CACNA1C: variants seen among roughly 807,000 people sequenced by gnomAD.
The protein encoded by CACNA1C is calcium voltage-gated channel subunit alpha1 C.
CACNA1C carries 30 observed loss-of-function variants against 229.0 expected under a neutral mutation model. That is an observed-to-expected ratio of 0.13 (90% CI 0.10 to 0.18). The LOEUF (loss-of-function observed/expected upper bound fraction) is 0.18, where lower values mean the gene tolerates loss of function less well. Among genes scored for constraint, CACNA1C ranks in the 10% least tolerant of loss-of-function variants. The probability of loss-of-function intolerance (pLI) is 1.00; values close to 1 mark genes in which losing one functional copy is unlikely to be tolerated. For missense variants in CACNA1C, 1,658 were observed against 2,845.0 expected (o/e 0.58, Z 9.49); for synonymous variants, 1,114 against 1,132.5 (o/e 0.98, Z 0.33).
intron 10 of CACNA1C, chr12:2,550,764 G>A: frequency 1.1e-6 from 1 of 946,444 alleles, no homozygotes; most frequent in South Asian, 1.5e-5. Flanking sequence ...GGCAAGCGCA[G>A]CCCTTTCACA....
intron 3 of CACNA1C, among the ~76,000 whole-genome samples, chr12:2,432,514 C>T (rs1241041650): frequency 2.0e-5 from 3 of 152,140 alleles, no homozygotes; most frequent in Non-Finnish European, 2.9e-5. Flanking sequence ...GAGTCTGACC[C>T]TCTCCTCCCA....
chr12:2,007,436 T>C (rs2043657576), intron 1 of CACNA1C, among the ~76,000 whole-genome samples: 2 of 152,250 alleles, frequency 1.3e-5, no homozygotes, highest in Admixed American at 1.3e-4. Flanking sequence ...TAGTGATCTG[T>C]ATGACTACAA....
At chr12:2,210,278 A>C (rs2097880079) in intron 3 of CACNA1C, among the ~76,000 whole-genome samples, 1 of 152,166 alleles carries the variant, frequency 6.6e-6, no homozygotes, top group Non-Finnish European at 1.5e-5. Flanking sequence ...ACAGACCTTT[A>C]TTTCCCAGGG....
At chr12:2,210,691 T>C (rs1181199546) in intron 3 of CACNA1C, among the ~76,000 whole-genome samples, 2 of 152,242 alleles carry the variant, frequency 1.3e-5, no homozygotes, top group Non-Finnish European at 2.9e-5. Flanking sequence ...TTTCAAAGTT[T>C]AGAAACATTT....
rs1257737700 is a variant in CACNA1C, at chr12:2,512,950, G to A, written c.1356G>A (p.Glu452=). The part of the protein sequence containing the change: ...TQAEDIDPEN[E]DEGMDEEKPR... The stretch of plus-strand genomic sequence containing the variant: ...CCGAAGACATCGATCCTGAGAATGA[G>A]GACGAAGGCATGGATGAGGAGAAGC... Residue 452 remains glutamate (E), a synonymous_variant, in exon 9 of 47, where the codon GAG becomes GAA. Transcript: ENST00000399655. The surrounding 1 kb of genome is among the most constrained non-coding windows in gnomAD (Gnocchi z 4.3). 6.2e-7 allele frequency: 1 copy of A among 1,609,608 alleles called. No homozygotes were observed. Among genetic ancestry groups the A allele is most frequent in the Non-Finnish European group, 8.5e-7 (1 of 1,178,054 alleles).
At chr12:2,367,998 G>A (rs1374519100) in intron 3 of CACNA1C, among the ~76,000 whole-genome samples, 1 of 152,074 alleles carries the variant, frequency 6.6e-6, no homozygotes, top group Non-Finnish European at 1.5e-5. Flanking sequence ...GAATCCATTG[G>A]ATTCACAGTT....
Position 2,053,483 on chromosome 12 carries a change from T to C in CACNA1C, c.-80T>C. On this transcript the variant is annotated 5_prime_UTR_variant, in exon 1 of 47. Transcript: ENST00000399655. The surrounding 1 kb of genome is among the most constrained non-coding windows in gnomAD (Gnocchi z 5.8). Reference sequence around the variant, plus strand: ...AAAGCCGCCGGCCTCGGAGGAGGGATTAATCCAGACCCGCCGGGGGGTGTT... The same window carrying C: ...AAAGCCGCCGGCCTCGGAGGAGGGACTAATCCAGACCCGCCGGGGGGTGTT... 6.5e-7 allele frequency: 1 copy of C among 1,530,302 alleles called. No homozygotes were observed. Among genetic ancestry groups the C allele is most frequent in the Non-Finnish European group, 8.8e-7 (1 of 1,135,346 alleles). 94.8% of individuals were successfully genotyped at this position (1,530,302 alleles called of 1,614,324 possible).
rs2097111616 is a variant in CACNA1C at position 2,348,417 on chromosome 12, T to C, written c.478-100559T>C. On this transcript the variant is annotated intron_variant, in intron 3 of 46. Transcript: ENST00000399655. This position sits in a 1 kb window ranked among gnomAD's most constrained non-coding sequence, Gnocchi z 4.7. ...CTTAGCAACTTAGTCAATCCAAACG[T>C]GGAGGTGATTGGCATATGTAAGAAC... Among the ~76,000 whole-genome samples, 1 of 152,056 alleles carries C rather than the reference T, an allele frequency of 6.6e-6. No individual in the cohort carries two copies. The highest frequency in any genetic ancestry group is 1.5e-5 in the Non-Finnish European group (1 of 67,988).
intron 3 of CACNA1C, among the ~76,000 whole-genome samples, chr12:2,226,168 CACACAG>C (rs1473910602): frequency 5.4e-5 from 7 of 130,564 alleles, no homozygotes; most frequent in South Asian, 5.1e-4. Context: ...CACACACACA[CACACAG>C]TTTTCTTCAT....
In CACNA1C at chr12:2,602,067, T is replaced by C; in HGVS notation, c.2960+107T>C. The stretch of plus-strand genomic sequence containing the variant: ...TGCCTGCAGGGCCACCGCAGTGTGA[T>C]GAGAGTGGGGTGGGGCCTCCAAAGC... On this transcript the variant is annotated intron_variant, in intron 22 of 46. Transcript: ENST00000399655. The surrounding 1 kb of genome is among the most constrained non-coding windows in gnomAD (Gnocchi z 4.4). 1 of 742,142 alleles carries C rather than the reference T, an allele frequency of 1.3e-6. No individual in the cohort carries two copies. Among genetic ancestry groups the C allele is most frequent in the South Asian group, 1.5e-5 (1 of 64,720 alleles). 46.0% of individuals were successfully genotyped at this position (742,142 alleles called of 1,614,324 possible). A position where few individuals can be genotyped will look rare whatever the true frequency, so the allele number is the denominator to read the frequency against.
At chr12:2,592,187 G>A (rs901340995) in intron 18 of CACNA1C, among the ~76,000 whole-genome samples, 2 of 152,220 alleles carry the variant, frequency 1.3e-5, no homozygotes, top group Non-Finnish European at 2.9e-5. Flanking sequence ...TAGGTGGTAA[G>A]GATCTGACTG....
Position 2,135,901 on chromosome 12 carries a change from C to G in CACNA1C, c.477+15471C>G, listed in dbSNP as rs1228053950. Among the ~76,000 whole-genome samples the G allele has an allele frequency of 5.3e-4, 79 of 149,066 alleles. 2 individuals are homozygous for G. Among genetic ancestry groups the G allele is most frequent in the Middle Eastern group, 6.8e-3 (2 of 294 alleles). ...CCGGGCAATGGCGGGCGCCCCTCCC[C>G]CAGCCTCGCTGCCGCCTTGCAGTTT... On this transcript the variant is annotated intron_variant, in intron 3 of 46. Transcript: ENST00000399655.
chr12:1,971,956 T>C lies in CACNA1C; in HGVS notation c.139+755T>C, dbSNP rs943510227. 2.0e-5 allele frequency among the ~76,000 whole-genome samples: 3 copies of C among 152,252 alleles called. No individual in the cohort carries two copies. The highest frequency in any genetic ancestry group is 4.4e-5 in the Non-Finnish European group (3 of 68,046). ...GTGTAAATTTTTAAAAGAAGATATA[T>C]ATCCATTCAATTAGGAAGTGGATGA... On this transcript the variant is annotated intron_variant, in intron 1 of 46. Transcript: ENST00000682462. The surrounding 1 kb of genome is among the most constrained non-coding windows in gnomAD (Gnocchi z 4.2).
At chr12:2,501,607 T>C (rs1183261480) in intron 7 of CACNA1C, among the ~76,000 whole-genome samples, 1 of 152,254 alleles carries the variant, frequency 6.6e-6, no homozygotes, top group Non-Finnish European at 1.5e-5. Flanking sequence ...CGGCTGTCAG[T>C]GTGGCCTGTG....
chr12:2,200,516 A>G (rs56035000), intron 3 of CACNA1C, among the ~76,000 whole-genome samples: 3,093 of 152,302 alleles, frequency 0.02, 125 homozygotes, highest in African/African-American at 0.071. Flanking sequence ...ATCATCTGGC[A>G]CAAAATGTCA....
intron 38 of CACNA1C, among the ~76,000 whole-genome samples, chr12:2,669,482 G>A (rs750678943): frequency 2.0e-5 from 3 of 152,204 alleles, no homozygotes; most frequent in Admixed American, 6.5e-5. Flanking sequence ...TTGAACTCTA[G>A]CTTTCCATGA....
At chr12:2,274,036 G>C (rs908380121) in intron 3 of CACNA1C, among the ~76,000 whole-genome samples, 1 of 152,228 alleles carries the variant, frequency 6.6e-6, no homozygotes, top group Non-Finnish European at 1.5e-5. Context: ...GAGCTATCCT[G>C]GCCTCAGTGT....
At chr12:2,626,333 C>T (rs1245077256) in intron 29 of CACNA1C, among the ~76,000 whole-genome samples, 1 of 152,180 alleles carries the variant, frequency 6.6e-6, no homozygotes, top group Non-Finnish European at 1.5e-5. Context: ...AGGAAGGGAC[C>T]TCTCTGTTTG....
chr12:2,443,682 T>C (rs559614914), intron 3 of CACNA1C, among the ~76,000 whole-genome samples: 1 of 152,296 alleles, frequency 6.6e-6, no homozygotes, highest in South Asian at 2.1e-4. Flanking sequence ...GCTTCAGAGT[T>C]CAGGCATGAA....
Sources: gnomAD v4.1 joint callset for allele counts (sites outside exome capture counted in the v4.1 genomes callset) on GRCh38, gnomAD v4.1.1 for gene constraint, Gnocchi (gnomAD v3.1) non-coding constraint, MANE v1.5 for transcripts, NCBI Gene and HGNC (gene_info 2026-07-23, HGNC 2026-07-21) for gene names.